Variants in DNAJC3 observed in about 807,000 individuals in gnomAD.
The protein encoded by DNAJC3 is DnaJ heat shock protein family (Hsp40) member C3.
In DNAJC3, 38 loss-of-function variants were observed where a neutral mutation model predicts 68.6. That is an observed-to-expected ratio of 0.55 (90% CI 0.43 to 0.73). DNAJC3 has a LOEUF of 0.73. DNAJC3 is among the 30% of genes least tolerant of loss of function. DNAJC3 has a pLI of 0.00. For missense variants in DNAJC3, 526 were observed against 591.9 expected (o/e 0.89, Z 1.16); for synonymous variants, 203 against 204.0 (o/e 1.00, Z 0.04).
chr13:95,684,414 G>A (rs1337782909), intron 1 of DNAJC3, among the ~76,000 whole-genome samples: 1 of 152,190 alleles, frequency 6.6e-6, no homozygotes, highest in Non-Finnish European at 1.5e-5. Flanking sequence ...ATGTGACCTG[G>A]CCTCTAGCAG....
intron 10 of DNAJC3, among the ~76,000 whole-genome samples, chr13:95,786,806 G>A (rs1311287323): frequency 6.6e-6 from 1 of 152,138 alleles, no homozygotes; most frequent in Non-Finnish European, 1.5e-5. Flanking sequence ...CTTAGTGAGC[G>A]AGTATCCAAG....
Position 95,787,241 on chromosome 13 carries a change from G to A in DNAJC3, c.1357+86G>A, listed in dbSNP as rs907261951. 4 of 1,513,418 alleles carry A rather than the reference G, an allele frequency of 2.6e-6. No individual in the cohort carries two copies. The African/African-American group carries it at 5.6e-5, about 21-fold the overall frequency. The allele number at this position is 1,513,418 out of a possible 1,614,324, so 93.7% of individuals were successfully genotyped here. A position where few individuals can be genotyped will look rare whatever the true frequency, so the allele number is the denominator to read the frequency against. On this transcript the variant is annotated intron_variant, in intron 11 of 11. Coordinates refer to ENST00000602402, the MANE Select transcript of DNAJC3 (RefSeq NM_006260.5). Reference sequence around the variant, plus strand: ...ACATGTGGTGGGTTCTCCACGTGGGGCTGTATAGGCAGTGACGGGTCCTGA... The same window carrying A: ...ACATGTGGTGGGTTCTCCACGTGGGACTGTATAGGCAGTGACGGGTCCTGA...
At chr13:95,724,582 A>T (rs1270121123) in intron 3 of DNAJC3, among the ~76,000 whole-genome samples, 1 of 152,216 alleles carries the variant, frequency 6.6e-6, no homozygotes, top group East Asian at 1.9e-4. Flanking sequence ...TAGTATATTC[A>T]CAAGTTGTGC....
chr13:95,677,756 C>T (rs1046938707), intron 1 of DNAJC3, among the ~76,000 whole-genome samples: 11 of 152,214 alleles, frequency 7.2e-5, no homozygotes, highest in Admixed American at 3.9e-4. Flanking sequence ...CAAAAGACTT[C>T]CTTCGCTCTG....
chr13:95,701,793 T>C (rs1880592709), intron 1 of DNAJC3, among the ~76,000 whole-genome samples: 1 of 152,238 alleles, frequency 6.6e-6, no homozygotes, highest in African/African-American at 2.4e-5. Context: ...AAATTTTATT[T>C]AATTTTAACT....
At chr13:95,717,002 T>A (rs1326986895) in intron 2 of DNAJC3, among the ~76,000 whole-genome samples, 1 of 151,666 alleles carries the variant, frequency 6.6e-6, no homozygotes, top group Non-Finnish European at 1.5e-5. Context: ...CCCATATCAA[T>A]AGGATTATGC....
chr13:95,760,067 G>A lies in DNAJC3; in HGVS notation c.574G>A (p.Glu192Lys), dbSNP rs375330790. The change falls in exon 6 of 12, where the codon GAA (glutamate) becomes AAA (lysine). Residue 192 changes from glutamate (E) to lysine (K), a missense_variant. Physicochemically the swap from Glu to Lys is moderately conservative, Grantham distance 56. Transcript: ENST00000602402. ...TTGTGTTTGGGATGCAGAACTACGG[G>A]AACTTCGAGCTGAATGTTTTATAAA... The part of the protein sequence containing the change: ...EVCVWDAELR[E>K]LRAECFIKEG... 1.2e-6 allele frequency: 2 copies of A among 1,605,718 alleles called. No homozygotes were observed. Among genetic ancestry groups the A allele is most frequent in the African/African-American group, 2.7e-5 (2 of 74,630 alleles).
intron 1 of DNAJC3, among the ~76,000 whole-genome samples, chr13:95,679,689 AAAGT>A (rs1288062564): frequency 6.6e-6 from 1 of 152,216 alleles, no homozygotes; most frequent in East Asian, 1.9e-4. Flanking sequence ...TGTCACACAA[AAAGT>A]AATTATGTGA....
chr13:95,771,799 C>T (rs1188513110), intron 9 of DNAJC3, among the ~76,000 whole-genome samples: 1 of 152,036 alleles, frequency 6.6e-6, no homozygotes, highest in African/African-American at 2.4e-5. Flanking sequence ...CATCCCACCC[C>T]CCCACAGGCA....
At chr13:95,689,277 G>GCTC (rs1880164100) in intron 1 of DNAJC3, among the ~76,000 whole-genome samples, 2 of 147,846 alleles carry the variant, frequency 1.4e-5, no homozygotes, top group Non-Finnish European at 3.0e-5. Context: ...TGATTTTATT[G>GCTC]CTCATTATTG....
chr13:95,759,679 A>G (rs946703981), intron 5 of DNAJC3, among the ~76,000 whole-genome samples: 5 of 152,228 alleles, frequency 3.3e-5, no homozygotes, highest in Non-Finnish European at 7.3e-5. Context: ...CTGATAACAG[A>G]ATATTCTCTT....
intron 4 of DNAJC3, among the ~76,000 whole-genome samples, chr13:95,746,897 A>G (rs980612339): frequency 6.6e-6 from 1 of 152,188 alleles, no homozygotes; most frequent in African/African-American, 2.4e-5. Flanking sequence ...TTGCCTGCAT[A>G]AAAGTATCTC....
intron 5 of DNAJC3, among the ~76,000 whole-genome samples, chr13:95,758,315 C>T (rs771682526): frequency 1.1e-4 from 16 of 151,818 alleles, no homozygotes; most frequent in Non-Finnish European, 2.1e-4. Context: ...CCAGCCTGGG[C>T]GACAGAATGG....
At chr13:95,679,783 ATAC>A (rs1211673250) in intron 1 of DNAJC3, among the ~76,000 whole-genome samples, 1 of 152,224 alleles carries the variant, frequency 6.6e-6, no homozygotes, top group African/African-American at 2.4e-5. Flanking sequence ...ATATCTCATA[ATAC>A]TATGTTGTAA....
intron 1 of DNAJC3, among the ~76,000 whole-genome samples, chr13:95,697,273 T>C (rs1327448987): frequency 3.9e-5 from 6 of 152,238 alleles, no homozygotes. Flanking sequence ...TTCTCTTTCG[T>C]TTATGAAGCT....
At chr13:95,783,766 C>G (rs1365908358) in intron 9 of DNAJC3, among the ~76,000 whole-genome samples, 1 of 152,190 alleles carries the variant, frequency 6.6e-6, no homozygotes, top group Non-Finnish European at 1.5e-5. Context: ...CTTAGTTCAG[C>G]TAAAGACAGG....
chr13:95,733,703 C>CTTTTTTTTTTTTTTT (rs146677839), intron 4 of DNAJC3, among the ~76,000 whole-genome samples: 7 of 102,962 alleles, frequency 6.8e-5, no homozygotes, highest in African/African-American at 2.2e-4. Flanking sequence ...CCTGGCCTGT[C>CTTTTTTTTTTTTTTT]TTTTTTTTTT....
intron 1 of DNAJC3, among the ~76,000 whole-genome samples, chr13:95,685,118 A>G (rs111695141): frequency 2.0e-5 from 3 of 152,234 alleles, no homozygotes; most frequent in African/African-American, 7.2e-5. Flanking sequence ...GACAGCTTGC[A>G]CCATGCACCT....
chr13:95,703,102 T>C (rs1880625792), intron 1 of DNAJC3, among the ~76,000 whole-genome samples: 1 of 152,222 alleles, frequency 6.6e-6, no homozygotes, highest in Non-Finnish European at 1.5e-5. Context: ...GAACCATTTC[T>C]CTTAGGGGAA....
Sources: gnomAD v4.1 joint callset for allele counts (sites outside exome capture counted in the v4.1 genomes callset) on GRCh38, gnomAD v4.1.1 for gene constraint, MANE v1.5 for transcripts, NCBI Gene and HGNC (gene_info 2026-07-23, HGNC 2026-07-21) for gene names.